The following PTDSS1 variants were observed in gnomAD, a reference collection of about 807,000 sequenced individuals.
The protein encoded by PTDSS1 is phosphatidylserine synthase 1, also known as PSS-1.
PTDSS1 carries 45 observed loss-of-function variants against 70.5 expected under a neutral mutation model. That is an observed-to-expected ratio of 0.64 (90% CI 0.50 to 0.82). The LOEUF is 0.82. Ranked by LOEUF, PTDSS1 falls within the 40% of genes least tolerant of loss-of-function variation. The probability of loss-of-function intolerance (pLI) is 0.00; values close to 1 mark genes in which losing one functional copy is unlikely to be tolerated. For missense variants in PTDSS1, 417 were observed against 586.1 expected, an observed-to-expected ratio of 0.71 and a Z score of 2.98; for synonymous variants, 188 against 203.8, an observed-to-expected ratio of 0.92 and a Z score of 0.66.
chr8:96,319,991 A>G (rs990481440), intron 9 of PTDSS1, among the ~76,000 whole-genome samples: 1 of 152,234 alleles, frequency 6.6e-6, no homozygotes, highest in Non-Finnish European at 1.5e-5. Flanking sequence ...AGGTGATGCC[A>G]GTGCCCCTAG....
intron 10 of PTDSS1, among the ~76,000 whole-genome samples, chr8:96,329,075 G>T (rs1471076422): frequency 6.6e-6 from 1 of 152,102 alleles, no homozygotes; most frequent in East Asian, 1.9e-4. Context: ...GTGACCTTTT[G>T]GATCTAAAGT....
chr8:96,279,354 T>C (rs565924503), intron 2 of PTDSS1, among the ~76,000 whole-genome samples: 1 of 152,054 alleles, frequency 6.6e-6, no homozygotes, highest in Admixed American at 6.5e-5. Flanking sequence ...AGTTTATCAT[T>C]GTTTCTTCTT....
intron 10 of PTDSS1, among the ~76,000 whole-genome samples, chr8:96,325,357 A>G (rs548033644): frequency 6.6e-6 from 1 of 152,296 alleles, no homozygotes; most frequent in South Asian, 2.1e-4. Flanking sequence ...TAAATACTGT[A>G]AAAGATTGTG....
chr8:96,333,217 G>A (rs1042523315), intron 12 of PTDSS1, among the ~76,000 whole-genome samples: 4 of 152,172 alleles, frequency 2.6e-5, no homozygotes, highest in East Asian at 1.9e-4. Flanking sequence ...ATGTACACAC[G>A]CTTCAGGAAC....
intron 9 of PTDSS1, among the ~76,000 whole-genome samples, chr8:96,320,029 G>A (rs563904992): frequency 7.9e-5 from 12 of 152,124 alleles, no homozygotes; most frequent in Admixed American, 6.5e-5. Flanking sequence ...TCACAATTTC[G>A]GTCTGGGAAG....
intron 2 of PTDSS1, among the ~76,000 whole-genome samples, chr8:96,280,140 G>A (rs144885081): frequency 2.6e-5 from 4 of 152,244 alleles, no homozygotes; most frequent in Non-Finnish European, 5.9e-5. Context: ...AATTTCTGAC[G>A]TAGATTTTAA....
intron 6 of PTDSS1, 56 bp from the exon 7 acceptor site, chr8:96,303,984 T>G: frequency 6.5e-7 from 1 of 1,532,002 alleles, no homozygotes; most frequent in Non-Finnish European, 8.8e-7. Flanking sequence ...TTCTTGTGCT[T>G]TGTTTTCCCC....
At position 96,287,746 on chromosome 8, in the gene PTDSS1, G is replaced by A. The variant is rs933138410; in HGVS notation, c.441+600G>A. Among the ~76,000 whole-genome samples, 18 of 149,296 alleles carry A rather than the reference G, an allele frequency of 1.2e-4. No individual in the cohort carries two copies. In the East Asian group the frequency reaches 3.0e-3, roughly 24 times the overall value. On this transcript the variant is annotated intron_variant, in intron 4 of 12. Coordinates refer to ENST00000517309, the MANE Select transcript of PTDSS1 (RefSeq NM_014754.3). ...TTCATTTGTTACTATTATTTTTATC[G>A]AACCATACAAAAAAATTTTATTCTT...
chr8:96,319,193 C>T (rs1160832962), intron 9 of PTDSS1, among the ~76,000 whole-genome samples: 10 of 152,034 alleles, frequency 6.6e-5, no homozygotes, highest in Non-Finnish European at 2.9e-5. Context: ...AGATCACAGA[C>T]ATGAGCCACC....
intron 4 of PTDSS1, among the ~76,000 whole-genome samples, chr8:96,287,780 C>T (rs1038345503): frequency 2.6e-5 from 4 of 152,032 alleles, no homozygotes; most frequent in Non-Finnish European, 5.9e-5. Flanking sequence ...TTGGCTAAAA[C>T]GACTCTATTT....
intron 1 of PTDSS1, 25 bp from the exon 2 acceptor site, chr8:96,273,274 C>A: frequency 6.5e-7 from 1 of 1,527,242 alleles, no homozygotes; most frequent in Non-Finnish European, 8.9e-7. Flanking sequence ...AAAGTAAATG[C>A]TCAATGTTGT....
At chr8:96,315,912 T>TG (rs572108778) in intron 9 of PTDSS1, among the ~76,000 whole-genome samples, 134 of 152,258 alleles carry the variant, frequency 8.8e-4, no homozygotes, top group African/African-American at 3.1e-3. Flanking sequence ...CCAGCACCCC[T>TG]GGGGGTGAGG....
At chr8:96,298,109 A>G (rs909334766) in intron 5 of PTDSS1, among the ~76,000 whole-genome samples, 1 of 152,074 alleles carries the variant, frequency 6.6e-6, no homozygotes, top group African/African-American at 2.4e-5. Flanking sequence ...TTCCCTCTCT[A>G]AGGGCAAGAG....
At chr8:96,327,281 G>C (rs1811451230) in intron 10 of PTDSS1, among the ~76,000 whole-genome samples, 1 of 152,114 alleles carries the variant, frequency 6.6e-6, no homozygotes, top group Admixed American at 6.5e-5. Flanking sequence ...CTGAGGCTGG[G>C]ATACCTTAAT....
chr8:96,265,613 C>G (rs1810475674), intron 1 of PTDSS1, among the ~76,000 whole-genome samples: 1 of 150,472 alleles, frequency 6.6e-6, no homozygotes. Context: ...CAAAACAAAA[C>G]AAAACAAAAA....
intron 4 of PTDSS1, among the ~76,000 whole-genome samples, chr8:96,288,175 A>G (rs891974690): frequency 6.6e-6 from 1 of 152,106 alleles, no homozygotes; most frequent in South Asian, 2.1e-4. Context: ...ATGGAGAGGT[A>G]CCTAGGGTGA....
At chr8:96,283,050 A>C (rs1034962623) in intron 2 of PTDSS1, among the ~76,000 whole-genome samples, 1 of 152,238 alleles carries the variant, frequency 6.6e-6, no homozygotes, top group Non-Finnish European at 1.5e-5. Flanking sequence ...ATGGATTCTA[A>C]GGGAGTGCCA....
At position 96,275,204 on chromosome 8, in the gene PTDSS1, G is replaced by A. The variant is rs1204728383; in HGVS notation, c.271+1814G>A. On this transcript the variant is annotated intron_variant, in intron 2 of 12. Coordinates refer to ENST00000517309, the MANE Select transcript of PTDSS1 (RefSeq NM_014754.3). ...GTGTTACCCAGGCTGGAGTGCAATA[G>A]CTATTCACAAGTGTGGTTATAGGGC... Among the ~76,000 whole-genome samples the A allele has an allele frequency of 2.6e-5, 4 of 152,118 alleles. No individual in the cohort carries two copies. In the East Asian group the frequency reaches 7.7e-4, roughly 29 times the overall value.
At position 96,285,086 on chromosome 8, in the gene PTDSS1, C is replaced by T. The variant is rs189017517; in HGVS notation, c.316+933C>T. Among the ~76,000 whole-genome samples the T allele has an allele frequency of 7.2e-5, 11 of 152,312 alleles. No individual in the cohort carries two copies. In the East Asian group the frequency reaches 2.1e-3, roughly 29 times the overall value. On this transcript the variant is annotated intron_variant, in intron 3 of 12. Transcript: ENST00000517309. ...CACAAATCAGTAATCAAAAAAATAT[C>T]AGCTATCTGGAGTTAGTAGGAAGCT...
Sources: gnomAD v4.1 joint callset for allele counts (sites outside exome capture counted in the v4.1 genomes callset) on GRCh38, gnomAD v4.1.1 for gene constraint, MANE v1.5 for transcripts, NCBI Gene and HGNC (gene_info 2026-07-23, HGNC 2026-07-21) for gene names.